The following MAML3 variants were observed in gnomAD, a reference collection of about 807,000 sequenced individuals.
MAML3 encodes the protein mastermind like transcriptional coactivator 3, also known as mastermind-like protein 3.
In MAML3, 27 loss-of-function variants were observed where a neutral mutation model predicts 101.9. The observed-to-expected ratio is 0.27, with a 90% CI of 0.20 to 0.37. The LOEUF (loss-of-function observed/expected upper bound fraction) is 0.37. Ranked by LOEUF, MAML3 falls within the 10% of genes least tolerant of loss-of-function variation. MAML3 has a pLI of 1.00. For synonymous variants in MAML3, 501 were observed against 555.9 expected (o/e 0.90, Z 1.39); for missense variants, 1,316 against 1,444.9 (o/e 0.91, Z 1.45).
chr4:139,934,308 T>A, intron 1 of MAML3, among the ~76,000 whole-genome samples: 1 of 152,012 alleles, frequency 6.6e-6, no homozygotes, highest in Non-Finnish European at 1.5e-5. Flanking sequence ...TATGGGTGTG[T>A]GTGCGTGTGA....
At chr4:139,905,245 C>T (rs1390154663) in intron 1 of MAML3, among the ~76,000 whole-genome samples, 1 of 152,170 alleles carries the variant, frequency 6.6e-6, no homozygotes, top group Non-Finnish European at 1.5e-5. Flanking sequence ...ATAATCCCAG[C>T]ACTTTGGGAG....
At chr4:139,946,925 A>ACACACTCT (rs1335985003) in intron 1 of MAML3, among the ~76,000 whole-genome samples, 2 of 68,132 alleles carry the variant, frequency 2.9e-5, no homozygotes, top group Admixed American at 1.1e-4. Context: ...ACACACACAC[A>ACACACTCT]CTCTCTCTCT....
intron 2 of MAML3, among the ~76,000 whole-genome samples, chr4:139,818,143 A>G (rs1249166117): frequency 6.6e-6 from 1 of 152,188 alleles, no homozygotes; most frequent in African/African-American, 2.4e-5. Context: ...TGCTAGTCCT[A>G]GAACCACGCT....
chr4:139,874,530 ATCTT>A (rs992156275), intron 2 of MAML3, among the ~76,000 whole-genome samples: 36 of 152,226 alleles, frequency 2.4e-4, no homozygotes, highest in African/African-American at 4.3e-4. Context: ...TTCTTCCAGA[ATCTT>A]TCTATCTTTG....
chr4:139,993,351 C>CAAAAAAAA (rs36164698), intron 1 of MAML3, among the ~76,000 whole-genome samples: 1 of 127,410 alleles, frequency 7.8e-6, no homozygotes, highest in Non-Finnish European at 1.7e-5. Flanking sequence ...GACTCCATCT[C>CAAAAAAAA]AAAAAAAAAA....
chr4:140,056,097 T>C (rs1727344458), intron 1 of MAML3, among the ~76,000 whole-genome samples: 2 of 152,202 alleles, frequency 1.3e-5, no homozygotes, highest in Non-Finnish European at 2.9e-5. Context: ...AAAGGATGGC[T>C]GAGATGTTCC....
At chr4:140,089,339 C>T (rs983952354) in intron 1 of MAML3, among the ~76,000 whole-genome samples, 2 of 152,230 alleles carry the variant, frequency 1.3e-5, no homozygotes, top group African/African-American at 4.8e-5. Flanking sequence ...GAAACCCCCC[C>T]TTGACAATCA....
intron 2 of MAML3, among the ~76,000 whole-genome samples, chr4:139,794,963 G>A (rs188665952): frequency 3.3e-5 from 5 of 152,194 alleles, no homozygotes; most frequent in East Asian, 1.9e-4. Flanking sequence ...TGAAGTTTTC[G>A]AGGAAAAAAA....
At chr4:140,098,096 A>T (rs780832015) in intron 1 of MAML3, among the ~76,000 whole-genome samples, 1 of 152,240 alleles carries the variant, frequency 6.6e-6, no homozygotes, top group East Asian at 1.9e-4. Context: ...TGCTCGGTCC[A>T]GGGAGTTCTT....
chr4:140,012,115 T>C (rs556376745), intron 1 of MAML3, among the ~76,000 whole-genome samples: 1 of 152,154 alleles, frequency 6.6e-6, no homozygotes, highest in Non-Finnish European at 1.5e-5. Flanking sequence ...AAATAGAAAG[T>C]TTTGAAAAAC....
intron 1 of MAML3, among the ~76,000 whole-genome samples, chr4:139,998,471 G>T (rs1413930658): frequency 1.3e-5 from 2 of 152,040 alleles, no homozygotes; most frequent in African/African-American, 4.8e-5. Flanking sequence ...GTCCCAAGCT[G>T]GTCTGCCTTT....
At chr4:139,961,426 T>A (rs1336247720) in intron 1 of MAML3, among the ~76,000 whole-genome samples, 1 of 152,134 alleles carries the variant, frequency 6.6e-6, no homozygotes, top group Non-Finnish European at 1.5e-5. Flanking sequence ...ACAAATACGT[T>A]CCATTAGATT....
intron 2 of MAML3, among the ~76,000 whole-genome samples, chr4:139,762,512 T>A (rs962175034): frequency 2.0e-5 from 3 of 152,130 alleles, no homozygotes; most frequent in African/African-American, 4.8e-5. Flanking sequence ...AGTAATAGTG[T>A]TTGCCAAATG....
At position 139,778,973 on chromosome 4, in the gene MAML3, A is replaced by T. The variant is rs1366120191; in HGVS notation, c.2080-48306T>A. Among the ~76,000 whole-genome samples, 20 of 136,598 alleles carry T rather than the reference A, an allele frequency of 1.5e-4. No homozygotes were observed. In the Admixed American group the frequency reaches 1.6e-3, roughly 11 times the overall value. The allele number at this position is 136,598 out of a possible 152,430, so 89.6% of individuals were successfully genotyped here. On this transcript the variant is annotated intron_variant, in intron 2 of 4. Coordinates refer to ENST00000509479, the MANE Select transcript of MAML3 (RefSeq NM_018717.5). ...ATTCCAGCCTGGGTGACAGAGCGAG[A>T]CTCCACCTCAAAAAAAAAAAAAAAA...
At position 139,760,251 on chromosome 4, in the gene MAML3, G is replaced by C. The variant is rs115697535; in HGVS notation, c.2080-29584C>G. 2.6e-3 allele frequency among the ~76,000 whole-genome samples: 399 copies of C among 152,326 alleles called. 2 individuals carry two copies. The highest frequency in any genetic ancestry group is 9.1e-3 in the African/African-American group (378 of 41,568). The stretch of plus-strand genomic sequence containing the variant: ...AAAGATGAGCTAAATTCTCCCTGTG[G>C]AGTTTCCAAGATGCTGAAAGTTGAG... On this transcript the variant is annotated intron_variant, in intron 2 of 4. Coordinates refer to ENST00000509479, the MANE Select transcript of MAML3 (RefSeq NM_018717.5).
intron 1 of MAML3, among the ~76,000 whole-genome samples, chr4:140,138,382 T>C (rs922886200): frequency 7.2e-5 from 11 of 152,180 alleles, no homozygotes; most frequent in African/African-American, 2.4e-4. Flanking sequence ...CTGCAAACCA[T>C]TTAAGAATTC....
At chr4:140,128,724 A>T (rs1190329820) in intron 1 of MAML3, among the ~76,000 whole-genome samples, 1 of 152,202 alleles carries the variant, frequency 6.6e-6, no homozygotes. Flanking sequence ...GAAACAAATA[A>T]AGTAGACAGT....
chr4:139,952,506 G>A (rs1387279554), intron 1 of MAML3, among the ~76,000 whole-genome samples: 11 of 152,118 alleles, frequency 7.2e-5, no homozygotes, highest in Admixed American at 3.3e-4. Flanking sequence ...TACCAACCTC[G>A]GACTGTCCTC....
chr4:139,919,386 A>C (rs1409642332), intron 1 of MAML3, among the ~76,000 whole-genome samples: 2 of 152,330 alleles, frequency 1.3e-5, no homozygotes, highest in East Asian at 3.9e-4. Context: ...GTTAAATCCC[A>C]TTTTATTTTG....
Sources: allele counts gnomAD v4.1 joint callset (sites outside exome capture counted in the v4.1 genomes callset), GRCh38; gene constraint gnomAD v4.1.1; transcripts MANE v1.5; gene names NCBI Gene and HGNC (gene_info 2026-07-23, HGNC 2026-07-21).